The following LCP2 variants were observed in gnomAD, a reference collection of about 807,000 sequenced individuals.
The protein encoded by LCP2 is 76 kDa tyrosine phosphoprotein.
In LCP2, 29 loss-of-function variants were observed where a neutral mutation model predicts 74.5. The observed-to-expected ratio is 0.39, with a 90% confidence interval of 0.29 to 0.53. The LOEUF is 0.53. Ranked by LOEUF, LCP2 falls within the 20% of genes least tolerant of loss-of-function variation. The pLI, the probability that LCP2 is intolerant of heterozygous loss-of-function variation, is 0.72. For missense variants in LCP2, 604 were observed against 634.6 expected (o/e 0.95, Z 0.52); for synonymous variants, 228 against 229.5 (o/e 0.99, Z 0.06).
intron 18 of LCP2, 104 bp from the exon 19 acceptor site, chr5:170,252,615 C>G (rs1411073629): frequency 4.8e-6 from 3 of 623,440 alleles, no homozygotes; most frequent in Non-Finnish European, 5.7e-6. Flanking sequence ...CACCTCAATT[C>G]CAGGAGGTCT....
intron 3 of LCP2, among the ~76,000 whole-genome samples, chr5:170,285,712 T>C (rs1048541929): frequency 6.6e-6 from 1 of 152,190 alleles, no homozygotes; most frequent in African/African-American, 2.4e-5. Context: ...TGGCTACTCT[T>C]TCCTCCAATA....
chr5:170,288,922 G>C (rs1762230424), intron 2 of LCP2, among the ~76,000 whole-genome samples: 1 of 152,206 alleles, frequency 6.6e-6, no homozygotes, highest in Non-Finnish European at 1.5e-5. Context: ...ATTGGGAGCA[G>C]AAAAGAGACT....
At chr5:170,255,268 G>A (rs772275272) in intron 17 of LCP2, among the ~76,000 whole-genome samples, 5 of 152,184 alleles carry the variant, frequency 3.3e-5, no homozygotes, top group Non-Finnish European at 5.9e-5. Flanking sequence ...TGCCACTGGC[G>A]TCAGCAGTGG....
At chr5:170,250,960 A>G in intron 19 of LCP2, 75 bp from the exon 20 acceptor site, 3 of 1,196,694 alleles carry the variant, frequency 2.5e-6, no homozygotes, top group South Asian at 1.3e-5. Flanking sequence ...GTAGTAGACA[A>G]GCCTCTAGGG....
intron 16 of LCP2, among the ~76,000 whole-genome samples, chr5:170,257,546 T>A (rs1428397923): frequency 6.6e-6 from 1 of 152,106 alleles, no homozygotes; most frequent in African/African-American, 2.4e-5. Flanking sequence ...CTCCTGTTCA[T>A]GCATCTGCCC....
chr5:170,261,981 G>A (rs906258231), intron 13 of LCP2, among the ~76,000 whole-genome samples: 1 of 151,898 alleles, frequency 6.6e-6, no homozygotes, highest in African/African-American at 2.4e-5. Flanking sequence ...AGGTTTTTTG[G>A]CACACTTTAG....
intron 3 of LCP2, among the ~76,000 whole-genome samples, chr5:170,278,034 T>G (rs1762035606): frequency 6.6e-6 from 1 of 151,252 alleles, no homozygotes; most frequent in South Asian, 2.1e-4. Context: ...AGTGGTTGTT[T>G]CAAGAAGACG....
chr5:170,258,129 A>G lies in LCP2; in HGVS notation c.1008T>C (p.Pro336=). The change falls in exon 16 of 21, where the codon CCT becomes CCC. Residue 336 remains proline (P), a synonymous_variant. Transcript: ENST00000046794. ...TTGAAGGGAAAGTGTTGGAGCTCATAGGAAGTAGTGCTGGCTGGGGCAAAG... is the reference window on the plus strand; with the variant it reads ...TTGAAGGGAAAGTGTTGGAGCTCATGGGAAGTAGTGCTGGCTGGGGCAAAG... The part of the protein sequence containing the change: ...QRPLPQPALL[P]MSSNTFPSRS... The G allele has an allele frequency of 6.2e-7, 1 of 1,613,940 alleles. No individual in the cohort carries two copies. The highest frequency in any genetic ancestry group is 8.5e-7 in the Non-Finnish European group (1 of 1,179,776).
intron 2 of LCP2, 106 bp downstream of exon 2, chr5:170,293,204 G>T: frequency 9.1e-7 from 1 of 1,100,684 alleles, no homozygotes; most frequent in Non-Finnish European, 1.3e-6. Flanking sequence ...AAAGCAAAGG[G>T]ATCCTCGGGT....
chr5:170,297,587 G>A lies in LCP2; in HGVS notation c.25C>T (p.Arg9Cys), dbSNP rs752977011. Residue 9 changes from arginine (R) to cysteine (C), a missense_variant, in exon 1 of 21, where the codon CGC becomes TGC. Arg to Cys is a radical substitution (Grantham distance 180). Coordinates refer to ENST00000046794, the MANE Select transcript of LCP2 (RefSeq NM_005565.5). MALRNVPF[R>C]SEVLGWDPDS... ...GGGTCCCAGCCCAGGACCTCTGAGC[G>A]AAAGGGCACATTCCTCAGTGCCATG... 3.1e-6 allele frequency: 5 copies of A among 1,612,426 alleles called. No individual in the cohort carries two copies. The highest frequency in any genetic ancestry group is 1.3e-5 in the African/African-American group (1 of 74,916).
intron 1 of LCP2, among the ~76,000 whole-genome samples, chr5:170,294,932 G>A (rs1241015897): frequency 6.6e-6 from 1 of 152,228 alleles, no homozygotes; most frequent in Non-Finnish European, 1.5e-5. Flanking sequence ...ATCTAGGCTT[G>A]TGGACCTCAA....
intron 3 of LCP2, 128 bp downstream of exon 3, chr5:170,287,842 C>A: frequency 1.2e-6 from 1 of 846,810 alleles, no homozygotes; most frequent in East Asian, 2.6e-5. Context: ...TGCCCTTGCC[C>A]TCATCCTTCC....
intron 16 of LCP2, among the ~76,000 whole-genome samples, chr5:170,257,531 C>T (rs1182593230): frequency 6.6e-6 from 1 of 152,078 alleles, no homozygotes; most frequent in African/African-American, 2.4e-5. Flanking sequence ...AATGACTGGG[C>T]CTTTCTCCTG....
At chr5:170,249,392 A>G (rs566010225) in intron 20 of LCP2, among the ~76,000 whole-genome samples, 1 of 143,604 alleles carries the variant, frequency 7.0e-6, no homozygotes, top group African/African-American at 2.8e-5. Context: ...CTACATATCT[A>G]TATATATATA....
chr5:170,262,707 G>A lies in LCP2; in HGVS notation c.854C>T (p.Pro285Leu), dbSNP rs202014238. ...TCTTTCCGTGGTCGGTGGTAAAGGA[G>A]GCTTTTGAATCTTGGGTAAATGCTC... ...LGEHLPKIQK[P>L]PLPPTTERHE... The change falls in exon 13 of 21, where the codon CCT (proline) becomes CTT (leucine). Residue 285 changes from proline to leucine, a missense_variant. Transcript: ENST00000046794. 131 of 1,613,878 alleles carry A rather than the reference G, an allele frequency of 8.1e-5. No homozygotes were observed. The highest frequency in any genetic ancestry group is 4.5e-5 in the East Asian group (2 of 44,894).
rs1209316603 is a variant in LCP2 at position 170,266,820 on chromosome 5, G to A, written c.760C>T (p.Pro254Ser). ...GAATCATACCCACCTAGTGTGAAGG[G>A]TTCTCTATCAAACGGAGCTAATGAA... Reference protein sequence around the residue: ...DRSLAPFDREPFTLGKKPPFS... With the variant: ...DRSLAPFDRESFTLGKKPPFS... Residue 254 changes from proline (P) to serine (S), a missense_variant, in exon 10 of 21, where the codon CCC becomes TCC. Transcript: ENST00000046794. The A allele has an allele frequency of 1.9e-6, 3 of 1,613,416 alleles. No individual in the cohort carries two copies. Among genetic ancestry groups the A allele is most frequent in the Non-Finnish European group, 1.7e-6 (2 of 1,179,374 alleles).
chr5:170,253,799 A>G (rs903585190), intron 17 of LCP2, among the ~76,000 whole-genome samples: 5 of 152,232 alleles, frequency 3.3e-5, no homozygotes, highest in Non-Finnish European at 7.3e-5. Context: ...CATAGAAGGC[A>G]CTACAGATCA....
intron 3 of LCP2, among the ~76,000 whole-genome samples, chr5:170,287,213 C>T (rs537415802): frequency 1.4e-4 from 22 of 152,242 alleles, no homozygotes; most frequent in Admixed American, 2.6e-4. Context: ...GATAACCGTG[C>T]TATTATTTTT....
At chr5:170,294,062 G>A (rs1423947304) in intron 1 of LCP2, among the ~76,000 whole-genome samples, 2 of 152,154 alleles carry the variant, frequency 1.3e-5, no homozygotes, top group Non-Finnish European at 2.9e-5. Context: ...TTTGCAGATG[G>A]GGAATGAGAG....
Sources: gnomAD v4.1 joint callset for allele counts (sites outside exome capture counted in the v4.1 genomes callset) on GRCh38, gnomAD v4.1.1 for gene constraint, MANE v1.5 for transcripts, NCBI Gene and HGNC (gene_info 2026-07-23, HGNC 2026-07-21) for gene names.